The following PHC2 variants were observed in gnomAD, a reference collection of about 807,000 sequenced individuals.
PHC2 encodes polyhomeotic-like protein 2.
PHC2 carries 29 observed loss-of-function variants against 87.4 expected under a neutral mutation model. The observed-to-expected ratio is 0.33, with a 90% CI of 0.25 to 0.45. PHC2 has a LOEUF of 0.45. PHC2 is among the 20% of genes least tolerant of loss of function. The probability of loss-of-function intolerance (pLI) is 1.00; values close to 1 mark genes in which losing one functional copy is unlikely to be tolerated. For missense variants in PHC2, 857 were observed against 1,136.7 expected (o/e 0.75, Z 3.54); for synonymous variants, 438 against 461.7 (o/e 0.95, Z 0.66).
intron 9 of PHC2, among the ~76,000 whole-genome samples, chr1:33,338,059 C>A (rs1442857388): frequency 1.3e-5 from 2 of 152,212 alleles, no homozygotes; most frequent in African/African-American, 4.8e-5. Flanking sequence ...CCCCTCTGAC[C>A]TTGTCTTTTG....
intron 9 of PHC2, among the ~76,000 whole-genome samples, chr1:33,338,024 C>T (rs780099934): frequency 5.9e-5 from 9 of 152,228 alleles, no homozygotes; most frequent in Non-Finnish European, 1.2e-4. Flanking sequence ...CTGCCTCTTT[C>T]GCTGATAGTC....
intron 7 of PHC2, 111 bp downstream of exon 7, chr1:33,367,005 C>T (rs568775988): frequency 3.2e-6 from 3 of 929,100 alleles, no homozygotes; most frequent in East Asian, 2.4e-5. Flanking sequence ...GAGAGAGATC[C>T]ATGGCTGGTA....
chr1:33,370,956 G>A, intron 4 of PHC2, 61 bp downstream of exon 4: 1 of 1,372,584 alleles, frequency 7.3e-7, no homozygotes, highest in Non-Finnish European at 1.0e-6. Context: ...CTGGGTCTGG[G>A]AACTTGGGCA....
At chr1:33,408,597 A>G (rs536761295) in intron 1 of PHC2, among the ~76,000 whole-genome samples, 1 of 152,232 alleles carries the variant, frequency 6.6e-6, no homozygotes, top group African/African-American at 2.4e-5. Context: ...AGTAGCTGGG[A>G]CTACAGGCAT....
intron 1 of PHC2, among the ~76,000 whole-genome samples, chr1:33,427,830 A>G (rs560105695): frequency 6.6e-6 from 1 of 152,340 alleles, no homozygotes; most frequent in South Asian, 2.1e-4. Context: ...TTGGATAAAT[A>G]CATTAGATGG....
chr1:33,324,000 C>G lies in PHC2; in HGVS notation c.*865G>C, dbSNP rs532946717. On this transcript the variant is annotated 3_prime_UTR_variant, in exon 15 of 15. Coordinates refer to ENST00000683057, the MANE Select transcript of PHC2 (RefSeq NM_001385109.1). The stretch of plus-strand genomic sequence containing the variant: ...AGGCTCAGCCCTTTGGGCTATGTTG[C>G]TCAGACCACCGCAGCTTTCTTAATG... The G allele has an allele frequency of 5.9e-5, 9 of 152,446 alleles. No homozygotes were observed. The highest frequency in any genetic ancestry group is 3.3e-4 in the Admixed American group (5 of 15,306). 9.4% of individuals were successfully genotyped at this position (152,446 alleles called of 1,614,324 possible).
At chr1:33,346,291 G>A (rs1646843660) in intron 9 of PHC2, 2 of 985,360 alleles carry the variant, frequency 2.0e-6, no homozygotes, top group African/African-American at 1.7e-5. Flanking sequence ...TCTCCTGAGG[G>A]GTACACAAAA....
intron 1 of PHC2, among the ~76,000 whole-genome samples, chr1:33,388,568 G>A (rs1409697681): frequency 1.3e-5 from 2 of 151,974 alleles, no homozygotes; most frequent in Non-Finnish European, 2.9e-5. Flanking sequence ...CAGGTGATCT[G>A]CCCACCTCGG....
At chr1:33,408,445 G>GTT (rs769069449) in intron 1 of PHC2, among the ~76,000 whole-genome samples, 1 of 69,072 alleles carries the variant, frequency 1.4e-5, no homozygotes, top group Admixed American at 1.0e-4. Flanking sequence ...GTTTTTAGTA[G>GTT]TTTTTTTGTT....
chr1:33,334,331 C>G lies in PHC2; in HGVS notation c.1559-39G>C, dbSNP rs1399279876. 1.9e-6 allele frequency: 3 copies of G among 1,587,420 alleles called. No homozygotes were observed. The African/African-American group carries it at 4.0e-5, about 21-fold the overall frequency. On this transcript the variant is annotated intron_variant, in intron 9 of 14. Transcript: ENST00000683057. The surrounding 1 kb of genome is among the most constrained non-coding windows in gnomAD (Gnocchi z 5.5). The stretch of plus-strand genomic sequence containing the variant: ...AGTAGGAAAACAAAGCAGGGGAGAT[C>G]AGAACCAGAGTCCACGCCCAGGGAG...
At chr1:33,354,296 G>A (rs1176298568) in intron 9 of PHC2, 105 bp downstream of exon 9, 19 of 1,081,580 alleles carry the variant, frequency 1.8e-5, no homozygotes, top group East Asian at 2.4e-5. Flanking sequence ...TTCCTTGCTT[G>A]TAATAGTTTA....
chr1:33,397,837 T>G (rs1247127089), intron 1 of PHC2, among the ~76,000 whole-genome samples: 1 of 152,176 alleles, frequency 6.6e-6, no homozygotes, highest in East Asian at 1.9e-4. Flanking sequence ...TGCAAATGCT[T>G]GCCTGCCCTT....
chr1:33,356,199 GC>G (rs1324984081), intron 7 of PHC2, among the ~76,000 whole-genome samples: 1 of 144,554 alleles, frequency 6.9e-6, no homozygotes, highest in Non-Finnish European at 1.5e-5. Flanking sequence ...TGCTATGCTA[GC>G]TTTTCTCTCT....
At chr1:33,398,848 C>T (rs531160927) in intron 1 of PHC2, among the ~76,000 whole-genome samples, 1 of 152,282 alleles carries the variant, frequency 6.6e-6, no homozygotes, top group African/African-American at 2.4e-5. Context: ...GCACAGTTGG[C>T]TAAAGTCAAT....
chr1:33,352,445 G>T (rs577929867), intron 9 of PHC2, among the ~76,000 whole-genome samples: 1 of 152,114 alleles, frequency 6.6e-6, no homozygotes, highest in Non-Finnish European at 1.5e-5. Flanking sequence ...ACCTCAGAGG[G>T]TTATTGTCAG....
intron 12 of PHC2, 97 bp from the exon 13 acceptor site, chr1:33,330,309 T>A: frequency 1.5e-6 from 2 of 1,349,154 alleles, no homozygotes; most frequent in Middle Eastern, 4.1e-4. Flanking sequence ...AAATTTTGAG[T>A]CCATCTATTG....
In PHC2 at chr1:33,329,246, C is replaced by T. The variant is rs963177131; in HGVS notation, c.2149-100G>A. On this transcript the variant is annotated intron_variant, in intron 13 of 14. Coordinates refer to ENST00000683057, the MANE Select transcript of PHC2 (RefSeq NM_001385109.1). ...TCTCCTTTTTCTACTTGGCCTACTA[C>T]TACACATCTGAGTTCCCAGATCTAA... The T allele has an allele frequency of 4.7e-6, 6 of 1,277,028 alleles. No individual in the cohort carries two copies. The East Asian group carries it at 7.3e-5, about 16-fold the overall frequency. The allele number at this position is 1,277,028 out of a possible 1,614,324, so 79.1% of individuals were successfully genotyped here.
At chr1:33,409,968 T>A (rs1649916902) in intron 1 of PHC2, among the ~76,000 whole-genome samples, 1 of 152,240 alleles carries the variant, frequency 6.6e-6, no homozygotes, top group Non-Finnish European at 1.5e-5. Context: ...ACTATTACTA[T>A]AATGACCTCA....
rs1648122729 is a variant in PHC2 at position 33,375,446 on chromosome 1, T to A, written c.94A>T (p.Ser32Cys). The change falls in exon 2 of 15, where the codon AGC becomes TGC. Residue 32 changes from serine to cysteine, a missense_variant. Transcript: ENST00000683057. ...GASSSSGCNN[S>C]SSGGSGRPTG... is the part of the protein sequence containing the mutation. ...GGGCGGCCACTTCCACCACTGCTGC[T>A]GTTGTTGCAGCCACTGCTGCTACTG... 9 of 1,612,394 alleles carry A rather than the reference T, an allele frequency of 5.6e-6. No individual in the cohort carries two copies. The highest frequency in any genetic ancestry group is 6.8e-6 in the Non-Finnish European group (8 of 1,179,344).
Sources: allele counts gnomAD v4.1 joint callset (sites outside exome capture counted in the v4.1 genomes callset), GRCh38; gene constraint gnomAD v4.1.1; non-coding constraint Gnocchi (gnomAD v3.1); transcripts MANE v1.5; gene names NCBI Gene and HGNC (gene_info 2026-07-23, HGNC 2026-07-21).